BANP: variants seen among roughly 807,000 people sequenced by gnomAD.
The protein encoded by BANP is BTG3 associated nuclear protein.
In BANP, 11 loss-of-function variants were observed where a neutral mutation model predicts 68.1. The ratio of observed to expected loss-of-function variants is 0.16; its 90% CI spans 0.10 to 0.27. The LOEUF is 0.27. Ranked by LOEUF, BANP falls within the 10% of genes least tolerant of loss-of-function variation. The probability of loss-of-function intolerance (pLI) is 1.00; values close to 1 mark genes in which losing one functional copy is unlikely to be tolerated. For synonymous variants in BANP, 329 were observed against 303.2 expected, an observed-to-expected ratio of 1.09 and a Z score of -0.88; for missense variants, 504 against 722.7, an observed-to-expected ratio of 0.70 and a Z score of 3.47.
chr16:87,992,624 T>C (rs1383288399), intron 4 of BANP, among the ~76,000 whole-genome samples: 1 of 152,068 alleles, frequency 6.6e-6, no homozygotes, highest in Admixed American at 6.5e-5. Flanking sequence ...CGAAACCCCG[T>C]CTCTACTAAA....
At chr16:88,074,883 GA>G (rs1567956364) in intron 13 of BANP, among the ~76,000 whole-genome samples, 1 of 152,066 alleles carries the variant, frequency 6.6e-6, no homozygotes, top group African/African-American at 2.4e-5. Context: ...ACAGTATATC[GA>G]GTGTCATTTG....
At chr16:88,015,305 C>CCGTGCCCCCTCAGCT (rs1294502901) in intron 6 of BANP, among the ~76,000 whole-genome samples, 15 of 149,544 alleles carry the variant, frequency 1.0e-4, no homozygotes, top group Non-Finnish European at 1.6e-4. Context: ...TGCCCTCTGC[C>CCGTGCCCCCTCAGCT]CGTGCCCCCT....
At chr16:88,035,262 T>G in intron 9 of BANP, 61 bp from the exon 10 acceptor site, 1 of 1,414,112 alleles carries the variant, frequency 7.1e-7, no homozygotes, top group Non-Finnish European at 9.8e-7. Flanking sequence ...CGGAAGATGT[T>G]TCTTGTTTCC....
intron 6 of BANP, chr16:88,017,496 T>C (rs1320964996): frequency 6.6e-6 from 1 of 152,240 alleles, no homozygotes; most frequent in Non-Finnish European, 1.5e-5. Flanking sequence ...CATACCGTAC[T>C]TGGTCAACCT....
chr16:87,974,299 C>T (rs1357556921), intron 1 of BANP, among the ~76,000 whole-genome samples: 1 of 152,144 alleles, frequency 6.6e-6, no homozygotes, highest in Non-Finnish European at 1.5e-5. Flanking sequence ...TCTCTTGAAG[C>T]CCAATCAGAG....
chr16:88,010,526 C>T (rs1043262381), intron 6 of BANP, among the ~76,000 whole-genome samples: 10 of 152,364 alleles, frequency 6.6e-5, no homozygotes, highest in African/African-American at 2.4e-4. Context: ...CCTGCAGCTG[C>T]TACTGGCACG....
At chr16:88,032,957 A>G in intron 8 of BANP, 152 bp from the exon 9 acceptor site, 1 of 870,194 alleles carries the variant, frequency 1.1e-6, no homozygotes, top group Non-Finnish European at 1.7e-6. Context: ...TCTCTGCAGA[A>G]GAGTGGAGAT....
intron 4 of BANP, among the ~76,000 whole-genome samples, chr16:87,994,469 G>A (rs1365225537): frequency 2.6e-5 from 4 of 152,216 alleles, no homozygotes; most frequent in Admixed American, 6.5e-5. Flanking sequence ...GTTTAGCAAC[G>A]AGGTTTTAAA....
At position 88,018,244 on chromosome 16, in the gene BANP, G is replaced by T. The variant is rs1159016280; in HGVS notation, c.656-184G>T. 3.3e-5 allele frequency among the ~76,000 whole-genome samples: 5 copies of T among 152,220 alleles called. No individual in the cohort carries two copies. Among genetic ancestry groups the T allele is most frequent in the African/African-American group, 4.8e-5 (2 of 41,546 alleles). ...GTGGGATCGTGTCTGTTCCGCGTCA[G>T]TTCTTTCTTGGGCAGCAGTCGGAGG... On this transcript the variant is annotated intron_variant, in intron 6 of 13. Transcript: ENST00000682872. This position sits in a 1 kb window ranked among gnomAD's most constrained non-coding sequence, Gnocchi z 7.7.
chr16:87,975,792 T>C (rs548080487), intron 2 of BANP, among the ~76,000 whole-genome samples: 19 of 150,176 alleles, frequency 1.3e-4, no homozygotes, highest in Admixed American at 1.2e-3. Flanking sequence ...ATGTTGTGTG[T>C]GTAATCCCCT....
At chr16:88,049,180 G>GC (rs1234738241) in intron 11 of BANP, among the ~76,000 whole-genome samples, 1 of 152,158 alleles carries the variant, frequency 6.6e-6, no homozygotes, top group African/African-American at 2.4e-5. Flanking sequence ...CACACCAGTT[G>GC]CAAGTTCGGG....
In BANP at chr16:87,961,530, A is replaced by C. The variant is rs2059153752; in HGVS notation, c.-69+10015A>C. On this transcript the variant is annotated intron_variant, in intron 1 of 13. Transcript: ENST00000682872. ...ATCGGAGCAGACCACCGGTGGAAGCAGATAGGAAACTCTAGTTGTTTTCAA... is the reference window on the plus strand; with the variant it reads ...ATCGGAGCAGACCACCGGTGGAAGCCGATAGGAAACTCTAGTTGTTTTCAA... Among the ~76,000 whole-genome samples, 5 of 152,182 alleles carry C rather than the reference A, an allele frequency of 3.3e-5. No homozygotes were observed. In the South Asian group the frequency reaches 1.0e-3, roughly 32 times the overall value.
chr16:88,055,718 C>G (rs902946587), intron 11 of BANP, among the ~76,000 whole-genome samples: 4 of 152,136 alleles, frequency 2.6e-5, no homozygotes, highest in African/African-American at 7.2e-5. Context: ...TTAGGCCACT[C>G]TAAATGGTTT....
At chr16:87,971,315 C>G (rs925055141) in intron 1 of BANP, among the ~76,000 whole-genome samples, 2 of 152,334 alleles carry the variant, frequency 1.3e-5, no homozygotes, top group South Asian at 4.1e-4. Flanking sequence ...AGCCGCTCTT[C>G]CCAATGCCTC....
rs2079255529 is a variant in BANP at position 88,036,007 on chromosome 16, C to CAG, written c.1272+614_1272+615dup. On this transcript the variant is annotated intron_variant, in intron 10 of 13. Transcript: ENST00000682872. The surrounding 1 kb of genome is among the most constrained non-coding windows in gnomAD (Gnocchi z 4.2). ...GTCTGGAATGTGAAGGCGGCAGTGA[C>CAG]AGTCTGAGTTCTTGGAAAGCCGAGG... Among the ~76,000 whole-genome samples the CAG allele has an allele frequency of 6.6e-6, 1 of 152,216 alleles. No individual in the cohort carries two copies. The highest frequency in any genetic ancestry group is 2.4e-5 in the African/African-American group (1 of 41,464).
rs373436734 is a variant in BANP, at chr16:88,033,209, G to A, written c.1164G>A (p.Gln388=). The A allele has an allele frequency of 8.7e-6, 14 of 1,609,120 alleles. No individual in the cohort carries two copies. In the African/African-American group the frequency reaches 1.7e-4, roughly 20 times the overall value. ...CGCTGGCCAACGCACAGCAGGTGCA[G>A]ATCCACCAGATCGGAGAAGACGGAC... ...HYALANAQQV[Q]IHQIGEDGQV... The change falls in exon 9 of 14, where the codon CAG becomes CAA. Residue 388 remains glutamine (Q), a synonymous_variant. Coordinates refer to ENST00000682872, the MANE Select transcript of BANP (RefSeq NM_001386991.1).
intron 1 of BANP, among the ~76,000 whole-genome samples, chr16:87,965,651 G>A (rs60033738): frequency 0.02 from 3,019 of 152,140 alleles, 93 homozygotes; most frequent in African/African-American, 0.068. Flanking sequence ...AGCATCAGGC[G>A]CACCTGAGGT....
At chr16:88,020,307 C>T (rs1205012439) in intron 7 of BANP, among the ~76,000 whole-genome samples, 2 of 152,232 alleles carry the variant, frequency 1.3e-5, no homozygotes, top group South Asian at 2.1e-4. Context: ...CCTTCAGAGG[C>T]GGGCAGCAGG....
intron 1 of BANP, among the ~76,000 whole-genome samples, chr16:87,965,557 A>C (rs985395639): frequency 9.6e-5 from 14 of 145,426 alleles, no homozygotes; most frequent in African/African-American, 3.1e-4. Context: ...AGGATCACCC[A>C]CTAAGCCCGA....
Sources: allele counts gnomAD v4.1 joint callset (sites outside exome capture counted in the v4.1 genomes callset), GRCh38; gene constraint gnomAD v4.1.1; non-coding constraint Gnocchi (gnomAD v3.1); transcripts MANE v1.5; gene names NCBI Gene and HGNC (gene_info 2026-07-23, HGNC 2026-07-21).